REXO5: variants seen among roughly 807,000 people sequenced by gnomAD.
The protein encoded by REXO5 is exonuclease NEF-sp.
REXO5 carries 48 observed loss-of-function variants against 88.5 expected under a neutral mutation model. The observed-to-expected ratio is 0.54, with a 90% CI of 0.43 to 0.69. The LOEUF is 0.69. Ranked by LOEUF, REXO5 falls within the 30% of genes least tolerant of loss-of-function variation. The pLI is 0.00. For missense variants in REXO5, 749 were observed against 912.2 expected, an observed-to-expected ratio of 0.82 and a Z score of 2.30; for synonymous variants, 311 against 336.5, an observed-to-expected ratio of 0.92 and a Z score of 0.83.
chr16:20,843,152 G>A (rs778050771), intron 15 of REXO5, among the ~76,000 whole-genome samples: 3 of 152,076 alleles, frequency 2.0e-5, no homozygotes, highest in Non-Finnish European at 2.9e-5. Context: ...TCACTTGTTT[G>A]CCCTTTTTTT....
At chr16:20,820,173 A>C (rs2081147206) in intron 5 of REXO5, among the ~76,000 whole-genome samples, 1 of 152,128 alleles carries the variant, frequency 6.6e-6, no homozygotes, top group African/African-American at 2.4e-5. Context: ...GGTGGACGAA[A>C]GTTAATTATG....
At chr16:20,813,162 C>T in intron 2 of REXO5, 28 bp from the exon 3 acceptor site, 1 of 1,441,800 alleles carries the variant, frequency 6.9e-7, no homozygotes, top group Non-Finnish European at 9.8e-7. Flanking sequence ...CCAATAATGG[C>T]TTGCTACGCC....
chr16:20,806,950 A>T lies in REXO5; in HGVS notation c.-2-2A>T, dbSNP rs2152497417. The T allele has an allele frequency of 6.3e-7, 1 of 1,583,544 alleles. No homozygotes were observed. The highest frequency in any genetic ancestry group is 1.2e-5 in the South Asian group (1 of 86,794). ...CCAGCTCTACCTCATCTTTCTCCAC[A>T]GCCATGGAGCCAGAGAGGGAAGGGA... On this transcript the variant is annotated splice_acceptor_variant, in intron 1 of 19. Coordinates refer to ENST00000261377, the MANE Select transcript of REXO5 (RefSeq NM_030941.3). LOFTEE classifies it low-confidence loss of function (5UTR_SPLICE).
At chr16:20,817,673 C>G (rs1310337178) in intron 5 of REXO5, among the ~76,000 whole-genome samples, 2 of 152,184 alleles carry the variant, frequency 1.3e-5, no homozygotes, top group East Asian at 3.9e-4. Flanking sequence ...CTCCATCCTC[C>G]TAAGTATTTC....
rs199601332 is a variant in REXO5, at chr16:20,832,493, C to CAAA, written c.1262+246_1262+248dup. 1.5e-3 allele frequency among the ~76,000 whole-genome samples: 183 copies of CAAA among 120,452 alleles called. 1 individual carries two copies. Among genetic ancestry groups the CAAA allele is most frequent in the Non-Finnish European group, 1.8e-3 (104 of 56,510 alleles). 79.0% of individuals were successfully genotyped at this position (120,452 alleles called of 152,430 possible). On this transcript the variant is annotated intron_variant, in intron 12 of 19. Transcript: ENST00000261377. ...GCTGGTCTAAAATGATATCCTTGAT[C>CAAA]AAAAAAAAAAAAAAGAAAAAATAAT...
Position 20,840,477 on chromosome 16 carries a change from G to A in REXO5, c.1626+9G>A, listed in dbSNP as rs772314658. The A allele has an allele frequency of 7.8e-6, 12 of 1,533,536 alleles. 1 individual carries two copies. The highest frequency in any genetic ancestry group is 7.7e-5 in the South Asian group (6 of 78,106). The allele number at this position is 1,533,536 out of a possible 1,614,324, so 95.0% of individuals were successfully genotyped here. On this transcript the variant is annotated intron_variant, in intron 15 of 19. Transcript: ENST00000261377. ...TTCTTGAAACCCGTCAGGTAAGACC[G>A]GAAAATTCAGATTTCATTTTCTAGA...
At chr16:20,812,683 A>G (rs1743330455) in intron 2 of REXO5, among the ~76,000 whole-genome samples, 1 of 152,114 alleles carries the variant, frequency 6.6e-6, no homozygotes, top group South Asian at 2.1e-4. Flanking sequence ...CTCCACTACT[A>G]TGCAACATGC....
chr16:20,840,171 A>C, intron 14 of REXO5, 160 bp from the exon 15 acceptor site: 1 of 583,548 alleles, frequency 1.7e-6, no homozygotes, highest in Non-Finnish European at 2.8e-6. Context: ...TGCTTTATAC[A>C]TTTTTGCTAT....
intron 7 of REXO5, 133 bp from the exon 8 acceptor site, chr16:20,825,700 T>C: frequency 1.6e-6 from 1 of 634,832 alleles, no homozygotes; most frequent in East Asian, 2.8e-5. Flanking sequence ...CTAGATCCTC[T>C]AGAAAGCAAG....
chr16:20,813,007 A>G lies in REXO5; in HGVS notation c.139-183A>G, dbSNP rs1423389155. ...GTTTTGTGTCAATGATAATTACTTT[A>G]TTAATAATGTCATACCTACCACATA... On this transcript the variant is annotated intron_variant, in intron 2 of 19. Transcript: ENST00000261377. Among the ~76,000 whole-genome samples the G allele has an allele frequency of 3.9e-5, 6 of 152,356 alleles. No individual in the cohort carries two copies. The East Asian group carries it at 1.2e-3, about 29-fold the overall frequency.
At position 20,841,811 on chromosome 16, in the gene REXO5, G is replaced by A. The variant is rs575372722; in HGVS notation, c.1626+1343G>A. Among the ~76,000 whole-genome samples the A allele has an allele frequency of 4.8e-4, 73 of 152,136 alleles. 1 individual carries two copies. The highest frequency in any genetic ancestry group is 1.7e-3 in the African/African-American group (70 of 41,496). ...AGTAGAGACTGGGTTTCACCATATT[G>A]GCCAGGCTGGTCGCGAACTCCTGAC... On this transcript the variant is annotated intron_variant, in intron 15 of 19. Coordinates refer to ENST00000261377, the MANE Select transcript of REXO5 (RefSeq NM_030941.3).
chr16:20,833,475 C>CA (rs888336356), intron 13 of REXO5, among the ~76,000 whole-genome samples: 45 of 152,164 alleles, frequency 3.0e-4, no homozygotes, highest in African/African-American at 1.0e-3. Context: ...TATGTTAAGT[C>CA]AGAGAGGCTA....
At position 20,806,594 on chromosome 16, in the gene REXO5, CCG is replaced by C; in HGVS notation, c.-113_-112del. The C allele has an allele frequency of 6.9e-7, 1 of 1,446,566 alleles. No individual in the cohort carries two copies. The highest frequency in any genetic ancestry group is 2.5e-5 in the East Asian group (1 of 39,422). The allele number at this position is 1,446,566 out of a possible 1,614,324, so 89.6% of individuals were successfully genotyped here. ...CCGCCCGTCTTCTCTTCTGCGTTTCCCGGGCTAGGGGGCGTGGGGAGTGGTTT... is the reference window on the plus strand; with the variant it reads ...CCGCCCGTCTTCTCTTCTGCGTTTCCGGCTAGGGGGCGTGGGGAGTGGTTT... On this transcript the variant is annotated 5_prime_UTR_variant, in exon 1 of 20. Coordinates refer to ENST00000261377, the MANE Select transcript of REXO5 (RefSeq NM_030941.3).
At chr16:20,833,463 T>C (rs773686752) in intron 13 of REXO5, among the ~76,000 whole-genome samples, 1 of 152,234 alleles carries the variant, frequency 6.6e-6, no homozygotes, top group Non-Finnish European at 1.5e-5. Context: ...GTATCATTGC[T>C]GTATGTTAAG....
chr16:20,814,696 C>G (rs2081054051), intron 3 of REXO5, among the ~76,000 whole-genome samples: 1 of 152,170 alleles, frequency 6.6e-6, no homozygotes, highest in African/African-American at 2.4e-5. Context: ...TTGCATTTTG[C>G]TTGGTATTTT....
At chr16:20,826,672 A>G (rs1402152242) in intron 8 of REXO5, among the ~76,000 whole-genome samples, 1 of 152,250 alleles carries the variant, frequency 6.6e-6, no homozygotes, top group African/African-American at 2.4e-5. Context: ...TAGTTAAAAT[A>G]TGCTGTATCT....
In REXO5 at chr16:20,822,602, G is replaced by A. The variant is rs576064462; in HGVS notation, c.616+700G>A. ...CCAACTCCCTGAGCCTTTGACAACC[G>A]TTAATCTAGTTTCTATATATAGATT... is the stretch of plus-strand genomic sequence containing the variant. On this transcript the variant is annotated intron_variant, in intron 6 of 19. Transcript: ENST00000261377. Among the ~76,000 whole-genome samples, 49 of 152,244 alleles carry A rather than the reference G, an allele frequency of 3.2e-4. No individual in the cohort carries two copies. In the Middle Eastern group the frequency reaches 0.01, roughly 32 times the overall value.
intron 12 of REXO5, among the ~76,000 whole-genome samples, chr16:20,832,700 C>G (rs1357855375): frequency 1.3e-5 from 2 of 152,044 alleles, no homozygotes; most frequent in Non-Finnish European, 2.9e-5. Context: ...TTTGCCTAAT[C>G]TTTTGATAGA....
In REXO5 at chr16:20,821,854, T is replaced by A. The variant is rs148495465; in HGVS notation, c.568T>A (p.Cys190Ser). The A allele has an allele frequency of 1.9e-6, 3 of 1,606,554 alleles. No individual in the cohort carries two copies. Among genetic ancestry groups the A allele is most frequent in the Non-Finnish European group, 2.5e-6 (3 of 1,177,640 alleles). Residue 190 changes from cysteine (C) to serine (S), a missense_variant, in exon 6 of 20, where the codon TGC becomes AGC. Physicochemically the swap from Cys to Ser is moderately radical, Grantham distance 112. Transcript: ENST00000261377. ...CTCTAAGAAAGTGGGCTTGACCAGA[T>A]GCCTTCTGACAAAGGAGGAAATGAG... ...YGSKKVGLTRCLLTKEEMRTF... is the reference protein window; with the variant it reads ...YGSKKVGLTRSLLTKEEMRTF...
Sources: allele counts gnomAD v4.1 joint callset (sites outside exome capture counted in the v4.1 genomes callset), GRCh38; gene constraint gnomAD v4.1.1; transcripts MANE v1.5; gene names NCBI Gene and HGNC (gene_info 2026-07-23, HGNC 2026-07-21).